OSBPL3: variants seen among roughly 807,000 people sequenced by gnomAD.
OSBPL3 encodes oxysterol binding protein like 3, also known as oxysterol-binding protein-related protein 3.
A neutral mutation model predicts 120.1 loss-of-function variants in OSBPL3; 65 were observed. The observed-to-expected ratio is 0.54, with a 90% CI of 0.44 to 0.67. The LOEUF is 0.67. Among genes scored for constraint, OSBPL3 ranks in the 30% least tolerant of loss-of-function variants. The pLI is 0.00. For synonymous variants in OSBPL3, 416 were observed against 402.6 expected, an observed-to-expected ratio of 1.03 and a Z score of -0.40; for missense variants, 1,004 against 1,082.1, an observed-to-expected ratio of 0.93 and a Z score of 1.01.
At position 24,913,933 on chromosome 7, in the gene OSBPL3, G is replaced by A. The variant is rs568427742; in HGVS notation, c.-149-21312C>T. ...ATATGCATTGAAACTTTCCTAAGGA[G>A]CAGATTCATTACGAAAGAGTCAAAA... On this transcript the variant is annotated intron_variant, in intron 1 of 22. Transcript: ENST00000313367. The surrounding 1 kb of genome is among the most constrained non-coding windows in gnomAD (Gnocchi z 5.3). Among the ~76,000 whole-genome samples the A allele has an allele frequency of 9.2e-5, 14 of 152,260 alleles. 1 individual carries two copies. The South Asian group carries it at 2.9e-3, about 32-fold the overall frequency.
At position 24,946,880 on chromosome 7, in the gene OSBPL3, T is replaced by C. The variant is rs1188838739; in HGVS notation, c.-150+33006A>G. Among the ~76,000 whole-genome samples the C allele has an allele frequency of 1.3e-5, 2 of 152,242 alleles. No homozygotes were observed. The highest frequency in any genetic ancestry group is 4.8e-5 in the African/African-American group (2 of 41,468). ...ATCTATATCATCTGCTTTGTGAGGA[T>C]AAGAACTGTCTTAACTCTTTTTCTT... On this transcript the variant is annotated intron_variant, in intron 1 of 22. Coordinates refer to ENST00000313367, the MANE Select transcript of OSBPL3 (RefSeq NM_015550.4). The surrounding 1 kb of genome is among the most constrained non-coding windows in gnomAD (Gnocchi z 4.3).
intron 13 of OSBPL3, among the ~76,000 whole-genome samples, chr7:24,842,078 C>T (rs1218428947): frequency 6.6e-6 from 1 of 151,956 alleles, no homozygotes; most frequent in African/African-American, 2.4e-5. Context: ...ATCCAATGCT[C>T]TCTACTTTTA....
chr7:24,958,237 T>C (rs1474897495), intron 1 of OSBPL3, among the ~76,000 whole-genome samples: 1 of 152,208 alleles, frequency 6.6e-6, no homozygotes, highest in Non-Finnish European at 1.5e-5. Flanking sequence ...TATAAATCTC[T>C]TATTAAACAC....
chr7:24,828,437 A>G (rs1462538945), intron 16 of OSBPL3, among the ~76,000 whole-genome samples: 1 of 151,984 alleles, frequency 6.6e-6, no homozygotes, highest in Non-Finnish European at 1.5e-5. Context: ...GTGAAATGCC[A>G]TCTCTATTAA....
intron 1 of OSBPL3, among the ~76,000 whole-genome samples, chr7:24,974,330 A>T (rs1817342674): frequency 6.6e-6 from 1 of 152,128 alleles, no homozygotes; most frequent in Non-Finnish European, 1.5e-5. Flanking sequence ...AAGTTCCTTG[A>T]CTCTTTTTAA....
rs1399256924 is a variant in OSBPL3, at chr7:24,808,781, G to T, written c.2317+1026C>A. On this transcript the variant is annotated intron_variant, in intron 20 of 22. Transcript: ENST00000313367. The surrounding 1 kb of genome is among the most constrained non-coding windows in gnomAD (Gnocchi z 4.6). ...TTGCCTACTCTGTTGCCCGTGACTGGTTCACGGATGGGTCTGAACCCACTG... is the reference window on the plus strand; with the variant it reads ...TTGCCTACTCTGTTGCCCGTGACTGTTTCACGGATGGGTCTGAACCCACTG... 6.6e-6 allele frequency among the ~76,000 whole-genome samples: 1 copy of T among 152,184 alleles called. No homozygotes were observed. Among genetic ancestry groups the T allele is most frequent in the Non-Finnish European group, 1.5e-5 (1 of 68,038 alleles).
intron 12 of OSBPL3, among the ~76,000 whole-genome samples, chr7:24,845,464 T>G (rs1227498030): frequency 7.0e-6 from 1 of 143,188 alleles, no homozygotes; most frequent in Non-Finnish European, 1.5e-5. Context: ...TGTGTGTATG[T>G]GTGTGTGTGT....
In OSBPL3 at chr7:24,893,749, G is replaced by A. The variant is rs577263528; in HGVS notation, c.-149-1128C>T. On this transcript the variant is annotated intron_variant, in intron 1 of 22. Transcript: ENST00000313367. ...ATCGCTTGAAACCGGGCGGCGGGGC[G>A]GGGGGGACGGGGGGGTGGAGGCTGC... 5.5e-3 allele frequency among the ~76,000 whole-genome samples: 829 copies of A among 151,526 alleles called. 13 individuals are homozygous for A. The highest frequency in any genetic ancestry group is 0.019 in the African/African-American group (790 of 41,260).
chr7:24,865,599 A>G (rs1255985433), intron 6 of OSBPL3, 134 bp from the exon 7 acceptor site: 3 of 853,978 alleles, frequency 3.5e-6, no homozygotes, highest in African/African-American at 3.4e-5. Context: ...AGCTTCTAGC[A>G]AAGTACTAAG....
rs1368219261 is a variant in OSBPL3 at position 24,827,069 on chromosome 7, A to T, written c.1884+3699T>A. Among the ~76,000 whole-genome samples the T allele has an allele frequency of 6.6e-6, 1 of 152,198 alleles. No homozygotes were observed. The highest frequency in any genetic ancestry group is 1.5e-5 in the Non-Finnish European group (1 of 68,040). ...TAAGCTTGGAGATACAATTTCCATCATTATCCTCCTTAGAAAAAAATTCCA... is the reference window on the plus strand; with the variant it reads ...TAAGCTTGGAGATACAATTTCCATCTTTATCCTCCTTAGAAAAAAATTCCA... On this transcript the variant is annotated intron_variant, in intron 16 of 22. Coordinates refer to ENST00000313367, the MANE Select transcript of OSBPL3 (RefSeq NM_015550.4). The surrounding 1 kb of genome is among the most constrained non-coding windows in gnomAD (Gnocchi z 5.1).
At chr7:24,915,835 A>T (rs1032457155) in intron 1 of OSBPL3, among the ~76,000 whole-genome samples, 8 of 152,192 alleles carry the variant, frequency 5.3e-5, no homozygotes, top group African/African-American at 1.9e-4. Context: ...TCGGCATCCC[A>T]AAGTGCTAGG....
At position 24,810,539 on chromosome 7, in the gene OSBPL3, C is replaced by CAAAACA. The variant is rs376768635; in HGVS notation, c.2173-594_2173-589dup. Among the ~76,000 whole-genome samples the CAAAACA allele has an allele frequency of 2.2e-3, 333 of 152,122 alleles. 1 individual carries two copies. The highest frequency in any genetic ancestry group is 7.7e-3 in the African/African-American group (319 of 41,524). ...GCTCCGTCTCAAAAACAAAACAAAA[C>CAAAACA]AAAACAAAAACAAAAACAAAAACTC... On this transcript the variant is annotated intron_variant, in intron 19 of 22. Transcript: ENST00000313367.
rs5882958 is a variant in OSBPL3, at chr7:24,948,388, A to ATT, written c.-150+31496_-150+31497dup. Among the ~76,000 whole-genome samples, 348 of 150,904 alleles carry ATT rather than the reference A, an allele frequency of 2.3e-3. 1 individual carries two copies. Among genetic ancestry groups the ATT allele is most frequent in the South Asian group, 7.3e-3 (35 of 4,772 alleles). On this transcript the variant is annotated intron_variant, in intron 1 of 22. Coordinates refer to ENST00000313367, the MANE Select transcript of OSBPL3 (RefSeq NM_015550.4). ...AAGTCAAAGCAAGCAGATTTACCTC[A>ATT]TTTTTTTTTTAAAAAGACCCTTCTA...
intron 2 of OSBPL3, among the ~76,000 whole-genome samples, chr7:24,875,404 A>T (rs1393520937): frequency 6.6e-6 from 1 of 152,222 alleles, no homozygotes; most frequent in African/African-American, 2.4e-5. Context: ...TGATCACTTC[A>T]TTATGTCTTC....
chr7:24,954,826 CTTTGAAAAGGTTT>C (rs755660708), intron 1 of OSBPL3, among the ~76,000 whole-genome samples: 4 of 152,142 alleles, frequency 2.6e-5, no homozygotes, highest in Non-Finnish European at 5.9e-5. Flanking sequence ...GTGGAAGACA[CTTTGAAAAGGTTT>C]TTTGGAAAGA....
chr7:24,879,514 C>T lies in OSBPL3; in HGVS notation c.97-7445G>A, dbSNP rs1000307786. ...CCCCAGAATGTTTCAAGTCTTACTA[C>T]TTGGTTAGCCACAGACCAAAAACAC... On this transcript the variant is annotated intron_variant, in intron 2 of 22. Coordinates refer to ENST00000313367, the MANE Select transcript of OSBPL3 (RefSeq NM_015550.4). This position sits in a 1 kb window ranked among gnomAD's most constrained non-coding sequence, Gnocchi z 5.6. Among the ~76,000 whole-genome samples, 3 of 152,162 alleles carry T rather than the reference C, an allele frequency of 2.0e-5. No homozygotes were observed. Among genetic ancestry groups the T allele is most frequent in the African/African-American group, 4.8e-5 (2 of 41,434 alleles).
upstream of OSBPL3, chr7:24,981,777 G>C (rs1411466041): frequency 6.6e-6 from 1 of 152,238 alleles, no homozygotes; most frequent in Non-Finnish European, 1.5e-5. This position sits in a 1 kb window ranked among gnomAD's most constrained non-coding sequence, Gnocchi z 7.3. Context: ...ATGACTCCGC[G>C]GTTCCTAAAC....
In OSBPL3 at chr7:24,849,030, G is replaced by A; in HGVS notation, c.1266+39C>T. On this transcript the variant is annotated intron_variant, in intron 12 of 22. Transcript: ENST00000313367. The surrounding 1 kb of genome is among the most constrained non-coding windows in gnomAD (Gnocchi z 5.4). ...ACAGATGGTATCACGGGAGCGGGCG[G>A]CAGCTGGGGAGACATTACCAGACGA... The A allele has an allele frequency of 1.4e-6, 2 of 1,415,528 alleles. No individual in the cohort carries two copies. Among genetic ancestry groups the A allele is most frequent in the Non-Finnish European group, 2.0e-6 (2 of 1,002,396 alleles). 87.7% of individuals were successfully genotyped at this position (1,415,528 alleles called of 1,614,324 possible).
rs1463608212 is a variant in OSBPL3, at chr7:24,959,719, A to C, written c.-150+20167T>G. 6.6e-6 allele frequency among the ~76,000 whole-genome samples: 1 copy of C among 152,206 alleles called. No individual in the cohort carries two copies. The highest frequency in any genetic ancestry group is 1.5e-5 in the Non-Finnish European group (1 of 68,028). On this transcript the variant is annotated intron_variant, in intron 1 of 22. Transcript: ENST00000313367. This position sits in a 1 kb window ranked among gnomAD's most constrained non-coding sequence, Gnocchi z 4.3. The stretch of plus-strand genomic sequence containing the variant: ...TGTTCCTAAAATAAATCAATAGGTG[A>C]AACTTCCAAAAGAAAATATATTCCT...
Sources: gnomAD v4.1 joint callset for allele counts (sites outside exome capture counted in the v4.1 genomes callset) on GRCh38, gnomAD v4.1.1 for gene constraint, Gnocchi (gnomAD v3.1) non-coding constraint, MANE v1.5 for transcripts, NCBI Gene and HGNC (gene_info 2026-07-23, HGNC 2026-07-21) for gene names.